CADPS: variants seen among roughly 807,000 people sequenced by gnomAD.
CADPS encodes the protein calcium-dependent secretion activator 1.
CADPS carries 57 observed loss-of-function variants against 167.3 expected under a neutral mutation model. The ratio of observed to expected loss-of-function variants is 0.34; its 90% CI spans 0.28 to 0.42. CADPS has a LOEUF of 0.42. CADPS is among the 20% of genes least tolerant of loss of function. The pLI is 1.00. For synonymous variants in CADPS, 676 were observed against 635.3 expected (o/e 1.06, Z -0.96); for missense variants, 1,414 against 1,738.1 (o/e 0.81, Z 3.32).
chr3:62,793,653 T>C (rs1255997357), intron 1 of CADPS, among the ~76,000 whole-genome samples: 2 of 152,278 alleles, frequency 1.3e-5, no homozygotes, highest in Admixed American at 6.5e-5. Context: ...TGGAGGGTAA[T>C]TAATCTGTTT....
intron 27 of CADPS, chr3:62,441,277 A>G (rs1350660242): frequency 6.6e-6 from 1 of 152,224 alleles, no homozygotes; most frequent in Admixed American, 6.5e-5. Flanking sequence ...AAACACTTAA[A>G]CAAATATCTG....
chr3:62,463,197 C>T (rs961703903), intron 26 of CADPS, among the ~76,000 whole-genome samples: 3 of 152,202 alleles, frequency 2.0e-5, no homozygotes, highest in Admixed American at 6.5e-5. Context: ...TCTCTGGTGC[C>T]CTGTTCTTGA....
chr3:62,749,583 T>G (rs2082244903), intron 3 of CADPS, among the ~76,000 whole-genome samples: 1 of 152,228 alleles, frequency 6.6e-6, no homozygotes, highest in Admixed American at 6.5e-5. Context: ...ATATCATTTC[T>G]GTATTCTTGC....
At chr3:62,830,200 C>T (rs2074827574) in intron 1 of CADPS, among the ~76,000 whole-genome samples, 1 of 152,158 alleles carries the variant, frequency 6.6e-6, no homozygotes, top group African/African-American at 2.4e-5. Flanking sequence ...GGATCTTCAC[C>T]TTTGAAATCT....
chr3:62,687,779 G>T (rs2078349283), intron 3 of CADPS, among the ~76,000 whole-genome samples: 3 of 123,740 alleles, frequency 2.4e-5, no homozygotes, highest in Non-Finnish European at 1.7e-5. Context: ...TTGCTTCTAT[G>T]GTAAAAAGCT....
Position 62,481,883 on chromosome 3 carries a change from A to G in CADPS, c.3027-14T>C. On this transcript the variant is annotated splice_polypyrimidine_tract_variant and intron_variant, in intron 21 of 29. Transcript: ENST00000383710. The stretch of plus-strand genomic sequence containing the variant: ...CTGGTTAAACTCCTGTGGAAGAAAC[A>G]GACAGAAAGAAAAAATACCATCACA... The G allele has an allele frequency of 1.9e-6, 3 of 1,602,488 alleles. No individual in the cohort carries two copies. Among genetic ancestry groups the G allele is most frequent in the Non-Finnish European group, 2.6e-6 (3 of 1,175,892 alleles).
At chr3:62,487,447 C>A (rs2063011716) in intron 21 of CADPS, among the ~76,000 whole-genome samples, 1 of 152,140 alleles carries the variant, frequency 6.6e-6, no homozygotes, top group Non-Finnish European at 1.5e-5. Context: ...TACTACATGT[C>A]CTGATGGAAA....
chr3:62,767,442 C>A (rs1032725770), intron 1 of CADPS, among the ~76,000 whole-genome samples: 6 of 152,044 alleles, frequency 3.9e-5, no homozygotes, highest in African/African-American at 1.4e-4. Flanking sequence ...TATAGCTATT[C>A]AATAACATAA....
intron 6 of CADPS, among the ~76,000 whole-genome samples, chr3:62,609,962 G>A (rs983323743): frequency 6.6e-6 from 1 of 152,014 alleles, no homozygotes; most frequent in Admixed American, 6.6e-5. Context: ...GGTGGTCCGT[G>A]CCTATAGTCC....
At chr3:62,822,767 G>C (rs2073228872) in intron 1 of CADPS, among the ~76,000 whole-genome samples, 1 of 152,214 alleles carries the variant, frequency 6.6e-6, no homozygotes, top group African/African-American at 2.4e-5. Context: ...GCTTGAACCT[G>C]GGAGGTGGAG....
chr3:62,482,548 T>G (rs1040455187), intron 21 of CADPS, among the ~76,000 whole-genome samples: 1 of 152,184 alleles, frequency 6.6e-6, no homozygotes, highest in African/African-American at 2.4e-5. Context: ...ACTTTCTCTC[T>G]CAAACTAAGT....
intron 7 of CADPS, among the ~76,000 whole-genome samples, chr3:62,587,818 A>G (rs1321855069): frequency 2.0e-5 from 3 of 152,106 alleles, no homozygotes; most frequent in African/African-American, 7.2e-5. Flanking sequence ...GGATGGAGAG[A>G]TGAAGTGACC....
chr3:62,530,133 A>G (rs756296420), intron 13 of CADPS, among the ~76,000 whole-genome samples: 23 of 152,208 alleles, frequency 1.5e-4, no homozygotes, highest in Non-Finnish European at 3.1e-4. Context: ...ATTTGGTAAT[A>G]GAATTTATCT....
intron 13 of CADPS, 130 bp downstream of exon 13, chr3:62,532,741 G>C: frequency 3.1e-6 from 2 of 652,472 alleles, no homozygotes; most frequent in South Asian, 3.8e-5. Context: ...GTGTGTGTGT[G>C]TGTGTGTGTA....
At chr3:62,750,392 G>A (rs1421896702) in intron 3 of CADPS, among the ~76,000 whole-genome samples, 12 of 141,386 alleles carry the variant, frequency 8.5e-5, no homozygotes, top group Non-Finnish European at 3.1e-5. Flanking sequence ...GAATTTGAGA[G>A]TTAGTTTAAT....
intron 1 of CADPS, chr3:62,796,505 A>G (rs2093415349): frequency 6.6e-6 from 1 of 152,212 alleles, no homozygotes; most frequent in African/African-American, 2.4e-5. Flanking sequence ...CAAGTTAAGA[A>G]AAAGGATGAT....
chr3:62,761,155 CT>C (rs1216193235), intron 2 of CADPS, among the ~76,000 whole-genome samples: 14 of 152,094 alleles, frequency 9.2e-5, no homozygotes, highest in Non-Finnish European at 1.8e-4. Flanking sequence ...TTTTCTGAAG[CT>C]TAGCTGTTTC....
chr3:62,566,322 T>C (rs1577936467), intron 9 of CADPS, among the ~76,000 whole-genome samples: 1 of 152,322 alleles, frequency 6.6e-6, no homozygotes, highest in South Asian at 2.1e-4. Flanking sequence ...AAGGGTTTGG[T>C]GGCTAAAGAG....
intron 2 of CADPS, among the ~76,000 whole-genome samples, chr3:62,761,575 T>C (rs116736360): frequency 2.6e-5 from 4 of 152,076 alleles, no homozygotes; most frequent in African/African-American, 4.8e-5. Context: ...CAGGAAGAAT[T>C]TGAGTTTTGT....
Sources: allele counts gnomAD v4.1 joint callset (sites outside exome capture counted in the v4.1 genomes callset), GRCh38; gene constraint gnomAD v4.1.1; transcripts MANE v1.5; gene names NCBI Gene and HGNC (gene_info 2026-07-23, HGNC 2026-07-21).